RTTN: variants seen among roughly 807,000 people sequenced by gnomAD.
RTTN encodes rotatin.
RTTN carries 182 observed loss-of-function variants against 269.2 expected under a neutral mutation model. The ratio of observed to expected loss-of-function variants is 0.68; its 90% CI spans 0.60 to 0.76. The LOEUF (loss-of-function observed/expected upper bound fraction) is 0.76. Among genes scored for constraint, RTTN ranks in the 30% least tolerant of loss-of-function variants. The probability of loss-of-function intolerance (pLI) is 0.00; values close to 1 mark genes in which losing one functional copy is unlikely to be tolerated. For synonymous variants in RTTN, 1,006 were observed against 963.5 expected (o/e 1.04, Z -0.82); for missense variants, 2,545 against 2,608.6 (o/e 0.98, Z 0.53).
At chr18:70,024,625 C>G in intron 44 of RTTN, 97 bp downstream of exon 44, 1 of 1,145,786 alleles carries the variant, frequency 8.7e-7, no homozygotes, top group Non-Finnish European at 1.3e-6. Context: ...CAGAGAAATA[C>G]TTCAAAATAT....
At chr18:70,121,534 C>A in intron 26 of RTTN, 22 bp downstream of exon 26, 1 of 1,521,888 alleles carries the variant, frequency 6.6e-7, no homozygotes, top group South Asian at 1.3e-5. Flanking sequence ...ACTTAAAATC[C>A]AAATTCCTTA....
intron 48 of RTTN, among the ~76,000 whole-genome samples, chr18:70,004,778 G>A (rs776872942): frequency 1.3e-5 from 2 of 152,146 alleles, no homozygotes; most frequent in Non-Finnish European, 2.9e-5. Context: ...AAAGAAAACC[G>A]TCTCTAGTAT....
intron 14 of RTTN, among the ~76,000 whole-genome samples, chr18:70,155,439 T>C (rs1407721395): frequency 6.6e-6 from 1 of 152,204 alleles, no homozygotes; most frequent in Non-Finnish European, 1.5e-5. Flanking sequence ...AAAATAAATA[T>C]GTTTAAAATT....
chr18:70,047,782 A>G (rs905647950), intron 40 of RTTN, among the ~76,000 whole-genome samples, 189 bp downstream of exon 40: 9 of 152,222 alleles, frequency 5.9e-5, no homozygotes, highest in African/African-American at 1.9e-4. Context: ...ACTGGTCAAC[A>G]TAAGCGGGTG....
At chr18:70,199,380 A>G in intron 5 of RTTN, 34 bp downstream of exon 5, 2 of 1,456,604 alleles carry the variant, frequency 1.4e-6, no homozygotes, top group Non-Finnish European at 1.9e-6. Context: ...CTATAAGTGA[A>G]CAAAAATACC....
chr18:70,177,589 G>A (rs558382185), intron 10 of RTTN, among the ~76,000 whole-genome samples: 127 of 151,676 alleles, frequency 8.4e-4, no homozygotes, highest in African/African-American at 2.9e-3. Context: ...ATAAACTAGC[G>A]GGTAAAAGGA....
In RTTN at chr18:70,017,678, T is replaced by C; in HGVS notation, c.6154-4A>G. ...GGAAGTTCTGTAAGAAGTTACTCTG[T>C]GGATAAATAGAGAGAATATTATTTT... On this transcript the variant is annotated splice_polypyrimidine_tract_variant and splice_region_variant and intron_variant, in intron 45 of 48. Coordinates refer to ENST00000640769, the MANE Select transcript of RTTN (RefSeq NM_173630.4). 1.2e-6 allele frequency: 2 copies of C among 1,604,914 alleles called. No individual in the cohort carries two copies. Among genetic ancestry groups the C allele is most frequent in the Non-Finnish European group, 1.7e-6 (2 of 1,175,510 alleles).
chr18:70,032,748 T>C (rs779227554), intron 40 of RTTN, among the ~76,000 whole-genome samples: 14 of 152,252 alleles, frequency 9.2e-5, no homozygotes, highest in Non-Finnish European at 5.9e-5. Context: ...CAACACCCCA[T>C]TGACAGTATT....
intron 28 of RTTN, among the ~76,000 whole-genome samples, chr18:70,101,129 TG>T (rs1361300585): frequency 6.6e-6 from 1 of 152,228 alleles, no homozygotes; most frequent in East Asian, 1.9e-4. Context: ...TTCTATTGAC[TG>T]GAATAGTTTC....
At chr18:70,121,758 G>A (rs770092619) in intron 25 of RTTN, 58 bp from the exon 26 acceptor site, 64 of 1,403,784 alleles carry the variant, frequency 4.6e-5, no homozygotes, top group Non-Finnish European at 5.9e-5. Flanking sequence ...CAATACCACT[G>A]TTCATCATAG....
intron 14 of RTTN, among the ~76,000 whole-genome samples, chr18:70,156,772 A>G (rs1180646716): frequency 6.6e-6 from 1 of 152,124 alleles, no homozygotes; most frequent in East Asian, 1.9e-4. Flanking sequence ...CTACGTGACT[A>G]TTGGGGCAGG....
chr18:70,164,207 TTCC>T lies in RTTN; in HGVS notation c.1929+1852_1929+1854del, dbSNP rs1247096468. Among the ~76,000 whole-genome samples, 7 of 42,438 alleles carry T rather than the reference TTCC, an allele frequency of 1.6e-4. No homozygotes were observed. The East Asian group carries it at 7.1e-3, about 43-fold the overall frequency. 27.8% of individuals were successfully genotyped at this position (42,438 alleles called of 152,430 possible). ...AACATAGTTAAAATGGTAAAATTTT[TTCC>T]TTTTTTTTTTTTTTTTCCAGAAATG... is the stretch of plus-strand genomic sequence containing the variant. On this transcript the variant is annotated intron_variant, in intron 14 of 48. Coordinates refer to ENST00000640769, the MANE Select transcript of RTTN (RefSeq NM_173630.4).
chr18:70,162,773 G>A (rs1036034660), intron 14 of RTTN, among the ~76,000 whole-genome samples: 1 of 149,618 alleles, frequency 6.7e-6, no homozygotes, highest in African/African-American at 2.5e-5. Context: ...TACCTATTGG[G>A]TACTATGCTC....
At chr18:70,031,931 C>T (rs1037815779) in intron 40 of RTTN, among the ~76,000 whole-genome samples, 2 of 152,010 alleles carry the variant, frequency 1.3e-5, no homozygotes, top group Non-Finnish European at 2.9e-5. Context: ...GTTGAAAAGG[C>T]AAGGAACAAA....
intron 7 of RTTN, among the ~76,000 whole-genome samples, chr18:70,195,556 A>G (rs1490219014): frequency 6.6e-6 from 1 of 152,204 alleles, no homozygotes; most frequent in Non-Finnish European, 1.5e-5. Context: ...CCTTATCTCA[A>G]GCAAACTTGA....
intron 31 of RTTN, among the ~76,000 whole-genome samples, chr18:70,086,896 G>A (rs539573225): frequency 2.6e-5 from 4 of 151,866 alleles, no homozygotes; most frequent in African/African-American, 9.7e-5. Context: ...GACCTTGTTA[G>A]GTAATGACCT....
chr18:70,194,464 C>T (rs1343584676), intron 7 of RTTN: 1 of 152,176 alleles, frequency 6.6e-6, no homozygotes, highest in Non-Finnish European at 1.5e-5. Context: ...GGGTATTACC[C>T]AAAAGAATTG....
chr18:70,202,054 G>A (rs1162421459), intron 3 of RTTN, 71 bp from the exon 4 acceptor site: 12 of 862,104 alleles, frequency 1.4e-5, no homozygotes, highest in Non-Finnish European at 2.2e-5. Context: ...CTTTCTTTAA[G>A]TGGTAATGTT....
At chr18:70,153,599 T>C (rs1402641936) in intron 14 of RTTN, among the ~76,000 whole-genome samples, 2 of 152,164 alleles carry the variant, frequency 1.3e-5, no homozygotes, top group Non-Finnish European at 2.9e-5. Context: ...ACTTGCCTCT[T>C]CAGAAAAAGT....
Sources: allele counts gnomAD v4.1 joint callset (sites outside exome capture counted in the v4.1 genomes callset), GRCh38; gene constraint gnomAD v4.1.1; transcripts MANE v1.5; gene names NCBI Gene and HGNC (gene_info 2026-07-23, HGNC 2026-07-21).